Variants in GABRG3 observed in about 807,000 individuals in gnomAD.
GABRG3 encodes gamma-aminobutyric acid receptor subunit gamma-3.
GABRG3 carries 25 observed loss-of-function variants against 48.8 expected under a neutral mutation model. The ratio of observed to expected loss-of-function variants is 0.51; its 90% CI spans 0.37 to 0.72. The LOEUF is 0.72. Among genes scored for constraint, GABRG3 ranks in the 30% least tolerant of loss-of-function variants. The pLI, the probability that GABRG3 is intolerant of heterozygous loss-of-function variation, is 0.00. For missense variants in GABRG3, 394 were observed against 577.9 expected (o/e 0.68, Z 3.26); for synonymous variants, 227 against 217.6 (o/e 1.04, Z -0.38).
At chr15:26,998,935 G>A (rs2140654232) in intron 2 of GABRG3, among the ~76,000 whole-genome samples, 1 of 152,126 alleles carries the variant, frequency 6.6e-6, no homozygotes, top group Non-Finnish European at 1.5e-5. Flanking sequence ...AAAAAATAAT[G>A]TTTTTCCGTT....
At chr15:27,340,163 G>A (rs1894119945) in intron 5 of GABRG3, among the ~76,000 whole-genome samples, 1 of 152,172 alleles carries the variant, frequency 6.6e-6, no homozygotes, top group African/African-American at 2.4e-5. Flanking sequence ...AGGTGAAGGT[G>A]TTATAGATTC....
intron 5 of GABRG3, among the ~76,000 whole-genome samples, chr15:27,478,484 A>G (rs1361461710): frequency 6.6e-6 from 1 of 152,218 alleles, no homozygotes; most frequent in African/African-American, 2.4e-5. Flanking sequence ...CATTGTTATC[A>G]CTAAAAAGAC....
At chr15:27,136,302 A>G (rs1217972403) in intron 3 of GABRG3, among the ~76,000 whole-genome samples, 1 of 152,260 alleles carries the variant, frequency 6.6e-6, no homozygotes, top group African/African-American at 2.4e-5. Context: ...ACTGAGTTCT[A>G]TAATGGCCAA....
chr15:27,318,180 G>A (rs1893297744), intron 3 of GABRG3, among the ~76,000 whole-genome samples: 1 of 152,170 alleles, frequency 6.6e-6, no homozygotes, highest in Non-Finnish European at 1.5e-5. Context: ...ACTCAAAGCA[G>A]GAGCTTCTGG....
intron 3 of GABRG3, among the ~76,000 whole-genome samples, chr15:27,301,813 C>T (rs1042159959): frequency 5.3e-5 from 8 of 151,996 alleles, no homozygotes; most frequent in African/African-American, 1.9e-4. Context: ...AATATAAAAG[C>T]AGTCAGATAA....
chr15:27,328,894 T>C lies in GABRG3; in HGVS notation c.574+6T>C. On this transcript the variant is annotated splice_donor_region_variant and intron_variant, in intron 5 of 9. Coordinates refer to ENST00000615808, the MANE Select transcript of GABRG3 (RefSeq NM_033223.5). ...CCCGCTGATTTTCTCCAGCTGTGAG[T>C]ACCAGTCCAAGCCCGGGGTGTGCAT... The C allele has an allele frequency of 6.2e-7, 1 of 1,612,970 alleles. No homozygotes were observed. The highest frequency in any genetic ancestry group is 8.5e-7 in the Non-Finnish European group (1 of 1,178,908).
intron 2 of GABRG3, among the ~76,000 whole-genome samples, chr15:27,025,595 G>C (rs1159207148): frequency 6.6e-6 from 1 of 152,168 alleles, no homozygotes; most frequent in Non-Finnish European, 1.5e-5. Context: ...CATTATCATT[G>C]TTTTCATTAC....
intron 3 of GABRG3, among the ~76,000 whole-genome samples, chr15:27,284,253 A>T (rs1891534620): frequency 6.6e-6 from 1 of 152,206 alleles, no homozygotes; most frequent in Non-Finnish European, 1.5e-5. Flanking sequence ...AAGTTACTTT[A>T]TTTGATGTTA....
chr15:27,318,766 C>T (rs563455693), intron 3 of GABRG3, among the ~76,000 whole-genome samples: 8 of 152,232 alleles, frequency 5.3e-5, no homozygotes, highest in South Asian at 2.1e-4. Context: ...GGCAGAGCTC[C>T]GCCTTCTGCC....
At chr15:27,410,843 CTCGTGT>C in intron 5 of GABRG3, among the ~76,000 whole-genome samples, 1 of 117,358 alleles carries the variant, frequency 8.5e-6, no homozygotes, top group Non-Finnish European at 1.7e-5. Context: ...CGTGCGCACG[CTCGTGT>C]GTGTGTGTGT....
chr15:27,155,757 A>G (rs1898407914), intron 3 of GABRG3, among the ~76,000 whole-genome samples: 1 of 152,140 alleles, frequency 6.6e-6, no homozygotes, highest in South Asian at 2.1e-4. Flanking sequence ...CTGGACGGGT[A>G]CAAGTACCTG....
At chr15:27,041,193 CT>C (rs1383982974) in intron 3 of GABRG3, among the ~76,000 whole-genome samples, 1 of 152,024 alleles carries the variant, frequency 6.6e-6, no homozygotes, top group African/African-American at 2.4e-5. Flanking sequence ...TTAACGTAAA[CT>C]TTTTTTGAGG....
At chr15:27,110,818 T>C (rs1897536607) in intron 3 of GABRG3, among the ~76,000 whole-genome samples, 1 of 152,198 alleles carries the variant, frequency 6.6e-6, no homozygotes, top group Non-Finnish European at 1.5e-5. Context: ...TATCAGGATA[T>C]TCCATTTGCC....
intron 6 of GABRG3, among the ~76,000 whole-genome samples, chr15:27,502,811 G>A (rs1890673052): frequency 6.6e-6 from 1 of 152,240 alleles, no homozygotes; most frequent in Non-Finnish European, 1.5e-5. Context: ...CCAGGCTGAT[G>A]AAGAGATACG....
intron 6 of GABRG3, among the ~76,000 whole-genome samples, chr15:27,486,640 T>C (rs1890227298): frequency 6.6e-6 from 1 of 152,172 alleles, no homozygotes; most frequent in African/African-American, 2.4e-5. Context: ...ACTTACCTCC[T>C]ATGTGACCTT....
At chr15:27,098,415 C>T (rs1002556132) in intron 3 of GABRG3, among the ~76,000 whole-genome samples, 2 of 152,188 alleles carry the variant, frequency 1.3e-5, no homozygotes, top group South Asian at 2.1e-4. Flanking sequence ...GCCTGTGTGA[C>T]AGACAGACAC....
intron 3 of GABRG3, among the ~76,000 whole-genome samples, chr15:27,096,838 C>CTTTT (rs34613626): frequency 2.9e-4 from 37 of 126,152 alleles, no homozygotes; most frequent in East Asian, 1.7e-3. Flanking sequence ...TTCTTTCTAT[C>CTTTT]TTTTTTTTTT....
chr15:27,084,322 G>T (rs1897040701), intron 3 of GABRG3, among the ~76,000 whole-genome samples: 2 of 152,112 alleles, frequency 1.3e-5, no homozygotes, highest in Admixed American at 6.5e-5. Context: ...GAGTTTTCCA[G>T]GCACATTTCT....
chr15:27,242,870 T>A lies in GABRG3; in HGVS notation c.271-83939T>A, dbSNP rs375541483. ...ATTTCTTCATGTCTCTCAGAGAGAT[T>A]GGCACATAAATATTGGTTGGGTTAT... On this transcript the variant is annotated intron_variant, in intron 3 of 9. Coordinates refer to ENST00000615808, the MANE Select transcript of GABRG3 (RefSeq NM_033223.5). Among the ~76,000 whole-genome samples the A allele has an allele frequency of 1.5e-3, 236 of 152,360 alleles. 4 individuals carry two copies. In the South Asian group the frequency reaches 0.048, roughly 31 times the overall value.
Sources: allele counts gnomAD v4.1 joint callset (sites outside exome capture counted in the v4.1 genomes callset), GRCh38; gene constraint gnomAD v4.1.1; transcripts MANE v1.5; gene names NCBI Gene and HGNC (gene_info 2026-07-23, HGNC 2026-07-21).